WDR7: variants seen among roughly 807,000 people sequenced by gnomAD.
The protein encoded by WDR7 is WD repeat domain 7, also known as WD repeat-containing protein 7.
Under a neutral mutation model 169.4 loss-of-function variants are expected in WDR7, and 46 were observed. The observed-to-expected ratio is 0.27, with a 90% confidence interval of 0.21 to 0.35. The LOEUF (loss-of-function observed/expected upper bound fraction) is 0.35, where lower values mean the gene tolerates loss of function less well. Among genes scored for constraint, WDR7 ranks in the 10% least tolerant of loss-of-function variants. The probability of loss-of-function intolerance (pLI) is 1.00; values close to 1 mark genes in which losing one functional copy is unlikely to be tolerated. For synonymous variants in WDR7, 612 were observed against 666.8 expected, an observed-to-expected ratio of 0.92 and a Z score of 1.27; for missense variants, 1,534 against 1,859.3, an observed-to-expected ratio of 0.83 and a Z score of 3.22.
chr18:57,026,712 T>C (rs1186357818), intron 27 of WDR7, among the ~76,000 whole-genome samples: 1 of 152,208 alleles, frequency 6.6e-6, no homozygotes. Context: ...GTTGTCTAAA[T>C]GAACCATTTT....
At chr18:56,827,310 A>G (rs1367275317) in intron 20 of WDR7, among the ~76,000 whole-genome samples, 1 of 152,198 alleles carries the variant, frequency 6.6e-6, no homozygotes, top group Non-Finnish European at 1.5e-5. Flanking sequence ...AGACAGATGA[A>G]TGGCTACAGA....
chr18:56,724,501 C>T (rs1031330525), intron 13 of WDR7, among the ~76,000 whole-genome samples: 9 of 151,458 alleles, frequency 5.9e-5, no homozygotes, highest in African/African-American at 1.5e-4. Flanking sequence ...CATGAGCCAC[C>T]GCTCCTGGCC....
intron 26 of WDR7, among the ~76,000 whole-genome samples, chr18:57,003,806 G>A (rs1255408674): frequency 3.3e-5 from 5 of 151,912 alleles, no homozygotes; most frequent in Non-Finnish European, 4.4e-5. Context: ...TGCCAACTAT[G>A]CTTATCTGAC....
chr18:56,992,950 A>G (rs1483525793), intron 26 of WDR7, among the ~76,000 whole-genome samples: 1 of 152,202 alleles, frequency 6.6e-6, no homozygotes, highest in Non-Finnish European at 1.5e-5. Flanking sequence ...TTTGATAGAT[A>G]ATGATCCTTG....
In WDR7 at chr18:56,757,048, G is replaced by C; in HGVS notation, c.2455G>C (p.Val819Leu). Reference sequence around the variant, plus strand: ...GGGTTTGAATGAAGTACTGGATGAAGTTTGCCTGGATCGCCTTGGAATGCT... The same window carrying C: ...GGGTTTGAATGAAGTACTGGATGAACTTTGCCTGGATCGCCTTGGAATGCT... ...AWGLNEVLDE[V>L]CLDRLGMLKP... The change falls in exon 15 of 28, where the codon GTT becomes CTT. Residue 819 changes from valine to leucine, a missense_variant. Transcript: ENST00000254442. 1 of 1,614,184 alleles carries C rather than the reference G, an allele frequency of 6.2e-7. No homozygotes were observed. Among genetic ancestry groups the C allele is most frequent in the Non-Finnish European group, 8.5e-7 (1 of 1,180,024 alleles).
chr18:56,972,628 T>C (rs927664597), intron 26 of WDR7, among the ~76,000 whole-genome samples: 3 of 152,174 alleles, frequency 2.0e-5, no homozygotes, highest in Admixed American at 6.5e-5. Context: ...TGACACTGCA[T>C]TGAAGAATTG....
intron 26 of WDR7, among the ~76,000 whole-genome samples, chr18:57,017,178 A>C (rs1055862433): frequency 6.6e-6 from 1 of 152,222 alleles, no homozygotes; most frequent in Non-Finnish European, 1.5e-5. Flanking sequence ...TCTGAACAAA[A>C]GACAATGGCA....
chr18:56,819,034 C>T, intron 20 of WDR7, among the ~76,000 whole-genome samples: 1 of 152,160 alleles, frequency 6.6e-6, no homozygotes, highest in East Asian at 1.9e-4. Context: ...TAGAAACAGT[C>T]TGAGCAAGAT....
chr18:56,783,655 G>A (rs971487414), intron 19 of WDR7, among the ~76,000 whole-genome samples: 1 of 152,144 alleles, frequency 6.6e-6, no homozygotes, highest in Non-Finnish European at 1.5e-5. Context: ...ATTGCAGAAG[G>A]GAGGTTATGG....
chr18:56,920,952 T>A (rs530319114), intron 21 of WDR7, among the ~76,000 whole-genome samples: 1 of 152,266 alleles, frequency 6.6e-6, no homozygotes, highest in Non-Finnish European at 1.5e-5. Context: ...GAATACAATA[T>A]AAGTTAAGAA....
intron 26 of WDR7, among the ~76,000 whole-genome samples, chr18:56,977,556 G>A (rs2047585635): frequency 6.6e-6 from 1 of 152,214 alleles, no homozygotes; most frequent in South Asian, 2.1e-4. Context: ...TAAGCAGCTT[G>A]TAGACAAAGT....
At chr18:56,727,026 C>T (rs1301520460) in intron 13 of WDR7, among the ~76,000 whole-genome samples, 2 of 152,132 alleles carry the variant, frequency 1.3e-5, no homozygotes, top group African/African-American at 4.8e-5. Context: ...ATTCTGCAAA[C>T]TCTAGCTGCC....
chr18:56,875,916 T>G (rs537293574), intron 20 of WDR7, among the ~76,000 whole-genome samples: 1 of 152,306 alleles, frequency 6.6e-6, no homozygotes, highest in South Asian at 2.1e-4. Flanking sequence ...GTGTGAGTCT[T>G]CTTTTGGTTT....
intron 21 of WDR7, among the ~76,000 whole-genome samples, chr18:56,918,536 A>T (rs2046662571): frequency 6.6e-6 from 1 of 152,198 alleles, no homozygotes; most frequent in Admixed American, 6.5e-5. Context: ...TAAACATTAG[A>T]GAATACCACT....
chr18:56,738,598 T>G (rs1317365428), intron 14 of WDR7, among the ~76,000 whole-genome samples: 1 of 152,144 alleles, frequency 6.6e-6, no homozygotes, highest in Non-Finnish European at 1.5e-5. Flanking sequence ...GTCTCTCACA[T>G]GATAACAGAG....
intron 25 of WDR7, among the ~76,000 whole-genome samples, chr18:56,944,286 C>T (rs563343179): frequency 1.3e-5 from 2 of 152,058 alleles, no homozygotes; most frequent in Non-Finnish European, 2.9e-5. Context: ...GCCACTGCGC[C>T]CAGCCAGTCT....
chr18:57,035,294 G>T, the WDR7 span: 1 of 152,372 alleles, frequency 6.6e-6, no homozygotes, highest in African/African-American at 2.4e-5. Flanking sequence ...TTTAGCAGGT[G>T]CTGGGTCAAG....
At chr18:56,828,644 C>A (rs193091511) in intron 20 of WDR7, among the ~76,000 whole-genome samples, 3 of 151,964 alleles carry the variant, frequency 2.0e-5, no homozygotes. Flanking sequence ...ATAGTCTTGC[C>A]GAGAAAGATA....
At chr18:56,713,888 G>A (rs1002126724) in intron 12 of WDR7, among the ~76,000 whole-genome samples, 1 of 151,226 alleles carries the variant, frequency 6.6e-6, no homozygotes, top group African/African-American at 2.5e-5. Flanking sequence ...ACAGATAAGA[G>A]GAAACCAAGT....
Sources: allele counts gnomAD v4.1 joint callset (sites outside exome capture counted in the v4.1 genomes callset), GRCh38; gene constraint gnomAD v4.1.1; transcripts MANE v1.5; gene names NCBI Gene and HGNC (gene_info 2026-07-23, HGNC 2026-07-21).